Variants in FKBP3 observed in about 807,000 individuals in gnomAD.
The protein encoded by FKBP3 is peptidyl-prolyl cis-trans isomerase FKBP3.
A neutral mutation model predicts 30.6 loss-of-function variants in FKBP3; 21 were observed. The ratio of observed to expected loss-of-function variants is 0.69; its 90% CI spans 0.49 to 0.99. The LOEUF (loss-of-function observed/expected upper bound fraction) is 0.99. Ranked by LOEUF, FKBP3 falls within the 50% of genes least tolerant of loss-of-function variation. The probability of loss-of-function intolerance (pLI) is 0.00; values close to 1 mark genes in which losing one functional copy is unlikely to be tolerated. For missense variants in FKBP3, 283 were observed against 261.6 expected, an observed-to-expected ratio of 1.08 and a Z score of -0.56; for synonymous variants, 82 against 91.3, an observed-to-expected ratio of 0.90 and a Z score of 0.58.
rs1179631047 is a variant in FKBP3 at position 45,134,474 on chromosome 14, G to C, written c.-18C>G. ...GCCGCCATCTTCCCCCGCTGCCTCC[G>C]CTTTACTGAGCCAGCCCGCCGCAGT... On this transcript the variant is annotated 5_prime_UTR_variant, in exon 1 of 7. Coordinates refer to ENST00000396062, the MANE Select transcript of FKBP3 (RefSeq NM_002013.4). The C allele has an allele frequency of 6.2e-7, 1 of 1,603,720 alleles. No individual in the cohort carries two copies. Among genetic ancestry groups the C allele is most frequent in the Admixed American group, 1.7e-5 (1 of 58,996 alleles).
At chr14:45,122,933 C>G (rs1885016488) in intron 3 of FKBP3, among the ~76,000 whole-genome samples, 1 of 151,832 alleles carries the variant, frequency 6.6e-6, no homozygotes, top group South Asian at 2.1e-4. Flanking sequence ...TGGCTCACAC[C>G]TGTAATCTCA....
intron 3 of FKBP3, among the ~76,000 whole-genome samples, chr14:45,127,614 C>T (rs967520539): frequency 6.6e-6 from 1 of 152,030 alleles, no homozygotes; most frequent in East Asian, 1.9e-4. Flanking sequence ...ATTCTTAAAG[C>T]ACATTTCAGT....
chr14:45,116,487 A>T lies in FKBP3; in HGVS notation c.621-235T>A, dbSNP rs773161507. 9.8e-4 allele frequency among the ~76,000 whole-genome samples: 149 copies of T among 152,044 alleles called. 3 individuals carry two copies. Among genetic ancestry groups the T allele is most frequent in the African/African-American group, 2.7e-3 (112 of 41,368 alleles). ...AGCTGGGGGGGGGTGGAACAAAAAA[A>T]ATATATATACATATAGAGAGAGAGT... On this transcript the variant is annotated intron_variant, in intron 6 of 6. Transcript: ENST00000396062.
At chr14:45,117,916 G>A in intron 6 of FKBP3, 112 bp downstream of exon 6, 2 of 747,370 alleles carry the variant, frequency 2.7e-6, no homozygotes, top group Non-Finnish European at 2.3e-6. Flanking sequence ...AGACTAGTCT[G>A]GACAGGATTC....
chr14:45,121,927 AT>A (rs1265993139), intron 3 of FKBP3, among the ~76,000 whole-genome samples: 1 of 152,236 alleles, frequency 6.6e-6, no homozygotes, highest in African/African-American at 2.4e-5. Flanking sequence ...GTTAAAAAAA[AT>A]CATTACTATT....
intron 3 of FKBP3, among the ~76,000 whole-genome samples, chr14:45,122,319 A>G (rs1447768446): frequency 6.6e-6 from 1 of 152,204 alleles, no homozygotes; most frequent in Non-Finnish European, 1.5e-5. Context: ...AAGTATCCTT[A>G]CCTAAATCTA....
In FKBP3 at chr14:45,129,843, A is replaced by T; in HGVS notation, c.269T>A (p.Leu90His). Residue 90 changes from leucine to histidine, a missense_variant, in exon 3 of 7, where the codon CTT (leucine) becomes CAT (histidine). By Grantham distance (99) the Leu-to-His change is moderately conservative (BLOSUM62 -3). Transcript: ENST00000396062. The stretch of plus-strand genomic sequence containing the variant: ...GGTTTCTTTGGGTTTATCTTCATTA[A>T]GCTTCACATTTTTTACTTGCTCAGA... The part of the protein sequence containing the change: ...KVSEQVKNVK[L>H]NEDKPKETKS... 6.2e-7 allele frequency: 1 copy of T among 1,613,184 alleles called. No individual in the cohort carries two copies. Among genetic ancestry groups the T allele is most frequent in the Non-Finnish European group, 8.5e-7 (1 of 1,179,518 alleles).
At chr14:45,128,139 C>T (rs1305738734) in intron 3 of FKBP3, among the ~76,000 whole-genome samples, 1 of 152,176 alleles carries the variant, frequency 6.6e-6, no homozygotes, top group Admixed American at 6.5e-5. Context: ...GAGTTCAAGA[C>T]CAGCCCAGCC....
rs1176638365 is a variant in FKBP3, at chr14:45,121,807, C to A, written c.319-187G>T. ...ATGTGACTATTAGTAACTTACACAT[C>A]TATAATTTAATTTCAAATAACTTCC... On this transcript the variant is annotated intron_variant, in intron 3 of 6. Transcript: ENST00000396062. Among the ~76,000 whole-genome samples the A allele has an allele frequency of 3.9e-5, 6 of 152,156 alleles. No homozygotes were observed. The East Asian group carries it at 1.2e-3, about 29-fold the overall frequency.
At chr14:45,116,381 G>T in intron 6 of FKBP3, 129 bp from the exon 7 acceptor site, 1 of 616,880 alleles carries the variant, frequency 1.6e-6, no homozygotes, top group Non-Finnish European at 3.0e-6. Context: ...CTCCTTACCT[G>T]GATGCTTTAC....
In FKBP3 at chr14:45,134,450, C is replaced by G; in HGVS notation, c.7G>C (p.Ala3Pro). The G allele has an allele frequency of 6.2e-7, 1 of 1,610,226 alleles. No individual in the cohort carries two copies. Among genetic ancestry groups the G allele is most frequent in the African/African-American group, 1.3e-5 (1 of 74,952 alleles). Residue 3 changes from alanine to proline, a missense_variant, in exon 1 of 7, where the codon GCG (alanine) becomes CCG (proline). Ala to Pro is a conservative substitution (Grantham distance 27). Transcript: ENST00000396062. MA[A>P]AVPQRAWTVE... ...GTCCACGCCCGCTGTGGAACGGCCGCCGCCATCTTCCCCCGCTGCCTCCGC... is the reference window on the plus strand; with the variant it reads ...GTCCACGCCCGCTGTGGAACGGCCGGCGCCATCTTCCCCCGCTGCCTCCGC...
At chr14:45,118,252 C>G in intron 5 of FKBP3, 127 bp from the exon 6 acceptor site, 1 of 572,922 alleles carries the variant, frequency 1.7e-6, no homozygotes, top group Middle Eastern at 3.3e-4. Context: ...TCACTATATT[C>G]TAAGATAATG....
In FKBP3 at chr14:45,120,924, A is replaced by G; in HGVS notation, c.485T>C (p.Leu162Ser). 3.1e-6 allele frequency: 5 copies of G among 1,613,330 alleles called. No homozygotes were observed. In the South Asian group the frequency reaches 5.5e-5, roughly 18 times the overall value. ...TTTGCCTACTCCGACCTTAAAACTTAAAGGCTTGGCATTTTTCTTCTTCTT... is the reference window on the plus strand; with the variant it reads ...TTTGCCTACTCCGACCTTAAAACTTGAAGGCTTGGCATTTTTCTTCTTCTT... ...SAKKKKNAKP[L>S]SFKVGVGKVI... Residue 162 changes from leucine (L) to serine (S), a missense_variant, in exon 5 of 7, where the codon TTA becomes TCA. By Grantham distance (145) the Leu-to-Ser change is moderately radical. Coordinates refer to ENST00000396062, the MANE Select transcript of FKBP3 (RefSeq NM_002013.4).
intron 5 of FKBP3, among the ~76,000 whole-genome samples, chr14:45,118,649 C>CA (rs933096573): frequency 2.5e-4 from 36 of 145,822 alleles, no homozygotes; most frequent in Non-Finnish European, 3.5e-4. Context: ...AAACAAAAAA[C>CA]AAAAAAAAAA....
intron 3 of FKBP3, among the ~76,000 whole-genome samples, chr14:45,129,065 A>G (rs549763286): frequency 6.6e-6 from 1 of 152,268 alleles, no homozygotes; most frequent in Non-Finnish European, 1.5e-5. Flanking sequence ...ATAAACATCT[A>G]TAATTGTATA....
intron 6 of FKBP3, among the ~76,000 whole-genome samples, chr14:45,117,152 A>C (rs1345083000): frequency 1.3e-5 from 2 of 152,134 alleles, no homozygotes; most frequent in African/African-American, 4.8e-5. Flanking sequence ...GTGTATTTTT[A>C]GTAGAGGTAG....
At chr14:45,120,226 C>T (rs910876024) in intron 5 of FKBP3, among the ~76,000 whole-genome samples, 1 of 152,158 alleles carries the variant, frequency 6.6e-6, no homozygotes, top group Admixed American at 6.5e-5. Flanking sequence ...AGCATGAAAA[C>T]CTGATTCATA....
intron 5 of FKBP3, among the ~76,000 whole-genome samples, chr14:45,119,542 C>A (rs1225045565): frequency 6.6e-6 from 1 of 151,798 alleles, no homozygotes; most frequent in Non-Finnish European, 1.5e-5. Context: ...GTACTCCAGC[C>A]TGGACAACAA....
intron 2 of FKBP3, 151 bp downstream of exon 2, chr14:45,130,548 T>C (rs1885190427): frequency 2.0e-6 from 1 of 493,760 alleles, no homozygotes; most frequent in Non-Finnish European, 3.6e-6. Context: ...CCTTGCTAGA[T>C]TTGACAGCTA....
Sources: allele counts gnomAD v4.1 joint callset (sites outside exome capture counted in the v4.1 genomes callset), GRCh38; gene constraint gnomAD v4.1.1; transcripts MANE v1.5; gene names NCBI Gene and HGNC (gene_info 2026-07-23, HGNC 2026-07-21).